Variants in CCT6B observed in about 807,000 individuals in gnomAD.
CCT6B encodes the protein chaperonin containing TCP1 subunit 6B, also known as probable T-complex protein 1 subunit zeta-2.
CCT6B carries 49 observed loss-of-function variants against 61.5 expected under a neutral mutation model. The ratio of observed to expected loss-of-function variants is 0.80; its 90% CI spans 0.63 to 1.01. The LOEUF (loss-of-function observed/expected upper bound fraction) is 1.01. Among genes scored for constraint, CCT6B ranks in the 50% least tolerant of loss-of-function variants. The pLI is 0.00. For missense variants in CCT6B, 666 were observed against 634.7 expected (o/e 1.05, Z -0.53); for synonymous variants, 228 against 214.5 (o/e 1.06, Z -0.55).
intron 4 of CCT6B, among the ~76,000 whole-genome samples, chr17:34,953,320 T>A (rs903477671): frequency 9.8e-5 from 12 of 121,892 alleles, no homozygotes; most frequent in Middle Eastern, 4.6e-3. Context: ...TTATATAAAA[T>A]ATATATATAT....
rs371180017 is a variant in CCT6B, at chr17:34,952,012, G to A, written c.552C>T (p.Tyr184=). ...TTTCTACCATGAAGAGATCAATAGG[G>A]TAACCTGGTCTTCTAACAGCCAAAA... ...DSVLAVRRPG[Y]PIDLFMVEIM... Residue 184 remains tyrosine, a synonymous_variant, in exon 5 of 14, where the codon TAC becomes TAT. Transcript: ENST00000314144. The A allele has an allele frequency of 5.0e-6, 8 of 1,609,594 alleles. No individual in the cohort carries two copies. The highest frequency in any genetic ancestry group is 6.8e-6 in the Non-Finnish European group (8 of 1,176,950).
intron 12 of CCT6B, among the ~76,000 whole-genome samples, chr17:34,930,128 C>T (rs939295020): frequency 4.6e-5 from 7 of 152,066 alleles, no homozygotes; most frequent in Non-Finnish European, 5.9e-5. Context: ...AAAAATTAGC[C>T]GGGCGTGGCA....
intron 5 of CCT6B, among the ~76,000 whole-genome samples, chr17:34,948,812 C>T (rs2090255645): frequency 6.6e-6 from 1 of 151,356 alleles, no homozygotes; most frequent in Non-Finnish European, 1.5e-5. Flanking sequence ...GCAGGTGGAT[C>T]CCTCCAGCTC....
chr17:34,958,713 A>T lies in CCT6B; in HGVS notation c.202-19T>A. 1 of 1,571,454 alleles carries T rather than the reference A, an allele frequency of 6.4e-7. No homozygotes were observed. The highest frequency in any genetic ancestry group is 8.6e-7 in the Non-Finnish European group (1 of 1,159,010). On this transcript the variant is annotated intron_variant, in intron 2 of 13. Transcript: ENST00000314144. ...GAATTTGCTGGAAAAAGCAAGCAAC[A>T]GATTTAAAAAGACAGGATGAGATAA...
chr17:34,954,599 C>A lies in CCT6B; in HGVS notation c.337G>T (p.Gly113Cys). 2 of 1,590,488 alleles carry A rather than the reference C, an allele frequency of 1.3e-6. No homozygotes were observed. Among genetic ancestry groups the A allele is most frequent in the South Asian group, 2.3e-5 (2 of 85,498 alleles). The change falls in exon 4 of 14, where the codon GGC becomes TGC. Residue 113 changes from glycine (G) to cysteine (C), a missense_variant and splice_region_variant. Transcript: ENST00000314144. ...LKQADLYISE[G>C]LHPRIIAEGF... The stretch of plus-strand genomic sequence containing the variant: ...TCAGCTATTATTCTAGGGTGCAGGC[C>A]CTGTTACATCAACATAAAATTATAA...
At chr17:34,957,654 T>A (rs1353974602) in intron 3 of CCT6B, among the ~76,000 whole-genome samples, 2 of 152,212 alleles carry the variant, frequency 1.3e-5, no homozygotes, top group African/African-American at 4.8e-5. Flanking sequence ...AAAAGCATCC[T>A]AAGTTGCAAG....
At chr17:34,937,205 A>T (rs1409403982) in intron 10 of CCT6B, among the ~76,000 whole-genome samples, 1 of 152,140 alleles carries the variant, frequency 6.6e-6, no homozygotes. Flanking sequence ...TTTTGGTAGA[A>T]ATTGACAAGC....
chr17:34,956,412 A>G (rs1354630522), intron 3 of CCT6B, among the ~76,000 whole-genome samples: 1 of 152,134 alleles, frequency 6.6e-6, no homozygotes. Context: ...TGACTACTTC[A>G]GGCTAGTTTA....
chr17:34,939,876 G>A (rs562704024), intron 8 of CCT6B, among the ~76,000 whole-genome samples, 163 bp from the exon 9 acceptor site: 1 of 150,096 alleles, frequency 6.7e-6, no homozygotes, highest in Admixed American at 6.6e-5. Context: ...AGTACAACAT[G>A]ATGATGTTTT....
At chr17:34,953,521 G>A (rs2090315941) in intron 4 of CCT6B, among the ~76,000 whole-genome samples, 2 of 151,684 alleles carry the variant, frequency 1.3e-5, no homozygotes, top group Admixed American at 1.3e-4. Flanking sequence ...GTACAGACAG[G>A]ATTTCACCAT....
Position 34,958,495 on chromosome 17 carries a change from C to T in CCT6B, c.336+65G>A, listed in dbSNP as rs183903712. On this transcript the variant is annotated intron_variant, in intron 3 of 13. Coordinates refer to ENST00000314144, the MANE Select transcript of CCT6B (RefSeq NM_006584.4). ...CAAAATTAACTGTCTAAAACTCAAC[C>T]ATTTTACTAGTTAAAAAAATAATTT... The T allele has an allele frequency of 9.8e-5, 96 of 982,540 alleles. No individual in the cohort carries two copies. In the African/African-American group the frequency reaches 1.6e-3, roughly 16 times the overall value. 60.9% of individuals were successfully genotyped at this position (982,540 alleles called of 1,614,324 possible).
intron 4 of CCT6B, 105 bp from the exon 5 acceptor site, chr17:34,952,158 T>A: frequency 1.5e-6 from 1 of 654,010 alleles, no homozygotes; most frequent in Non-Finnish European, 2.6e-6. Context: ...GCCTTCAGGA[T>A]TCAAAACCTA....
intron 1 of CCT6B, 56 bp downstream of exon 1, chr17:34,961,201 G>T: frequency 3.9e-6 from 6 of 1,548,278 alleles, no homozygotes; most frequent in South Asian, 3.7e-5. Flanking sequence ...CTCAGAGGGC[G>T]ACAGGACACC....
rs1597745264 is a variant in CCT6B, at chr17:34,940,556, T to C, written c.951A>G (p.Lys317=). The C allele has an allele frequency of 1.9e-6, 3 of 1,576,772 alleles. No homozygotes were observed. The change falls in exon 8 of 14, where the codon AAA becomes AAG. Residue 317 remains lysine, a synonymous_variant. Coordinates refer to ENST00000314144, the MANE Select transcript of CCT6B (RefSeq NM_006584.4). The part of the protein sequence containing the change: ...KHGIVALRRA[K]RRNMERLSLA... ...AAGCTTACCTTTCCATATTTCTTCT[T>C]TTTGCTCTGCGAAGAGCTACTATTC...
chr17:34,946,801 A>G (rs894816485), intron 5 of CCT6B, among the ~76,000 whole-genome samples: 1 of 152,246 alleles, frequency 6.6e-6, no homozygotes, highest in African/African-American at 2.4e-5. Flanking sequence ...GTCAGAAACA[A>G]AGAGTACCTA....
chr17:34,942,455 A>G (rs768161134), intron 7 of CCT6B, 29 bp downstream of exon 7: 3 of 1,556,150 alleles, frequency 1.9e-6, no homozygotes, highest in African/African-American at 1.4e-5. Context: ...ACATTTACAA[A>G]TAACTAAAAT....
At chr17:34,929,205 T>C (rs2090006398) in intron 12 of CCT6B, among the ~76,000 whole-genome samples, 171 bp from the exon 13 acceptor site, 3 of 152,214 alleles carry the variant, frequency 2.0e-5, no homozygotes, top group South Asian at 2.1e-4. Flanking sequence ...CTACCAGTAT[T>C]TAACACAGTT....
chr17:34,939,785 T>C (rs1456109307), intron 8 of CCT6B, 72 bp from the exon 9 acceptor site: 1 of 937,706 alleles, frequency 1.1e-6, no homozygotes, highest in African/African-American at 1.6e-5. Context: ...AGAGAAGATA[T>C]CTAATGCAGA....
At chr17:34,936,653 T>A (rs529657955) in intron 10 of CCT6B, among the ~76,000 whole-genome samples, 1 of 152,190 alleles carries the variant, frequency 6.6e-6, no homozygotes, top group East Asian at 1.9e-4. Flanking sequence ...ATGGAAATTT[T>A]AAAAATAGCA....
Sources: allele counts gnomAD v4.1 joint callset (sites outside exome capture counted in the v4.1 genomes callset), GRCh38; gene constraint gnomAD v4.1.1; transcripts MANE v1.5; gene names NCBI Gene and HGNC (gene_info 2026-07-23, HGNC 2026-07-21).